Variants in CILK1 observed in about 807,000 individuals in gnomAD.
CILK1 encodes the protein ciliogenesis associated kinase 1.
A neutral mutation model predicts 79.2 loss-of-function variants in CILK1; 47 were observed. That is an observed-to-expected ratio of 0.59 (90% CI 0.47 to 0.76). The LOEUF is 0.76. Among genes scored for constraint, CILK1 ranks in the 30% least tolerant of loss-of-function variants. The probability of loss-of-function intolerance (pLI) is 0.00; values close to 1 mark genes in which losing one functional copy is unlikely to be tolerated. For missense variants in CILK1, 660 were observed against 769.5 expected (o/e 0.86, Z 1.68); for synonymous variants, 266 against 275.9 (o/e 0.96, Z 0.36).
At chr6:53,058,321 C>A (rs1036159278) in intron 1 of CILK1, among the ~76,000 whole-genome samples, 1 of 152,178 alleles carries the variant, frequency 6.6e-6, no homozygotes, top group Non-Finnish European at 1.5e-5. Context: ...TCTTTGGCTG[C>A]AATCAAAGGC....
At position 53,013,902 on chromosome 6, in the gene CILK1, C is replaced by T; in HGVS notation, c.912G>A (p.Gln304=). 3.7e-6 allele frequency: 6 copies of T among 1,614,062 alleles called. No individual in the cohort carries two copies. Among genetic ancestry groups the T allele is most frequent in the Non-Finnish European group, 5.1e-6 (6 of 1,179,998 alleles). The change falls in exon 9 of 14, where the codon CAG becomes CAA. Residue 304 remains glutamine, a synonymous_variant. Coordinates refer to ENST00000676107, the MANE Select transcript of CILK1 (RefSeq NM_014920.5). Reference sequence around the variant, plus strand: ...GGCCTGCCTTTTCCAGGATGCCTTTCTGTGGTTTTTCTGAATCCTGAAGGT... The same window carrying T: ...GGCCTGCCTTTTCCAGGATGCCTTTTTGTGGTTTTTCTGAATCCTGAAGGT... ...TQNLQDSEKP[Q]KGILEKAGPP...
At chr6:53,023,909 T>G (rs541164286) in intron 5 of CILK1, among the ~76,000 whole-genome samples, 1 of 152,124 alleles carries the variant, frequency 6.6e-6, no homozygotes, top group South Asian at 2.1e-4. Flanking sequence ...TAGAACCCAG[T>G]AAATACAGAA....
intron 1 of CILK1, among the ~76,000 whole-genome samples, chr6:53,046,729 G>T (rs1418169432): frequency 6.6e-6 from 1 of 152,158 alleles, no homozygotes; most frequent in Non-Finnish European, 1.5e-5. Context: ...TAAGCATTAT[G>T]CAAGGCTCTT....
intron 8 of CILK1, among the ~76,000 whole-genome samples, chr6:53,015,718 G>T (rs1218382262): frequency 6.6e-6 from 1 of 152,142 alleles, no homozygotes; most frequent in Admixed American, 6.6e-5. Flanking sequence ...ATATGAAGTT[G>T]CCTTTCAACA....
intron 3 of CILK1, among the ~76,000 whole-genome samples, 190 bp from the exon 4 acceptor site, chr6:53,032,844 A>G (rs1766060066): frequency 6.6e-6 from 1 of 152,184 alleles, no homozygotes; most frequent in African/African-American, 2.4e-5. Flanking sequence ...ACATAGAAAA[A>G]CTACTTCAAT....
chr6:53,057,170 T>C (rs1241932762), intron 1 of CILK1, among the ~76,000 whole-genome samples: 1 of 152,234 alleles, frequency 6.6e-6, no homozygotes, highest in East Asian at 1.9e-4. Context: ...TTGGGCATTA[T>C]ACAATAGTAC....
chr6:53,047,901 G>A (rs928779664), intron 1 of CILK1, among the ~76,000 whole-genome samples: 6 of 151,858 alleles, frequency 4.0e-5, no homozygotes, highest in East Asian at 1.9e-4. Flanking sequence ...CTGTTTTCTC[G>A]GGGGCTGAAT....
intron 1 of CILK1, among the ~76,000 whole-genome samples, chr6:53,042,276 T>A (rs1480985749): frequency 6.6e-6 from 1 of 152,212 alleles, no homozygotes; most frequent in African/African-American, 2.4e-5. Context: ...CAGAAATGAA[T>A]CAGCTCCAAT....
At position 53,010,871 on chromosome 6, in the gene CILK1, G is replaced by A. The variant is rs187376943; in HGVS notation, c.1492+898C>T. On this transcript the variant is annotated intron_variant, in intron 11 of 13. Transcript: ENST00000676107. The stretch of plus-strand genomic sequence containing the variant: ...TGAGGATGTTGTTTGCAAAGCTGCT[G>A]TATAAAGCTGCTGTATAAAGCCACT... Among the ~76,000 whole-genome samples the A allele has an allele frequency of 2.0e-5, 3 of 152,340 alleles. No homozygotes were observed. In the East Asian group the frequency reaches 5.8e-4, roughly 29 times the overall value.
In CILK1 at chr6:53,041,166, A is replaced by G. The variant is rs1766681929; in HGVS notation, c.71T>C (p.Ile24Thr). The G allele has an allele frequency of 6.2e-6, 10 of 1,613,496 alleles. No homozygotes were observed. Among genetic ancestry groups the G allele is most frequent in the Middle Eastern group, 1.6e-4 (1 of 6,084 alleles). Residue 24 changes from isoleucine to threonine, a missense_variant, in exon 2 of 14, where the codon ATT becomes ACT. By Grantham distance (89) the Ile-to-Thr change is moderately conservative. Coordinates refer to ENST00000676107, the MANE Select transcript of CILK1 (RefSeq NM_014920.5). ...TYGSVLLGRSIESGELIAIKK... is the reference protein window; with the variant it reads ...TYGSVLLGRSTESGELIAIKK... ...AATAGCGATCAGCTCCCCAGACTCA[A>G]TGCTTCTTCCCAGCAGGACGGAACC...
At chr6:53,037,671 G>A (rs1393969539) in intron 3 of CILK1, among the ~76,000 whole-genome samples, 1 of 152,094 alleles carries the variant, frequency 6.6e-6, no homozygotes, top group African/African-American at 2.4e-5. Context: ...TAAGAAAATA[G>A]GCAATAATAA....
In CILK1 at chr6:53,006,173, C is replaced by T. The variant is rs548673992; in HGVS notation, c.1744+142G>A. ...ATCTGACTTACTATATGTTATATAG[C>T]ACTTATTTAGCTTACTTATTGTCTG... On this transcript the variant is annotated intron_variant, in intron 13 of 13. Transcript: ENST00000676107. The T allele has an allele frequency of 3.2e-5, 23 of 709,762 alleles. No individual in the cohort carries two copies. The South Asian group carries it at 3.5e-4, about 11-fold the overall frequency. The allele number at this position is 709,762 out of a possible 1,614,324, so 44.0% of individuals were successfully genotyped here.
At chr6:53,010,635 G>A (rs1377616330) in intron 11 of CILK1, among the ~76,000 whole-genome samples, 1 of 152,150 alleles carries the variant, frequency 6.6e-6, no homozygotes, top group Non-Finnish European at 1.5e-5. Context: ...GCCCTCTCCT[G>A]CCTCTAGACC....
At chr6:53,037,065 T>G (rs975874827) in intron 3 of CILK1, among the ~76,000 whole-genome samples, 2 of 152,178 alleles carry the variant, frequency 1.3e-5, no homozygotes, top group Non-Finnish European at 2.9e-5. Context: ...CTCACTTCCA[T>G]GTACAGGACC....
intron 1 of CILK1, among the ~76,000 whole-genome samples, chr6:53,056,788 A>G (rs1365951578): frequency 6.6e-6 from 1 of 152,212 alleles, no homozygotes; most frequent in East Asian, 1.9e-4. Context: ...CAACTTATGG[A>G]GCTTTAAAAG....
intron 1 of CILK1, among the ~76,000 whole-genome samples, chr6:53,045,820 C>T (rs1767039373): frequency 1.5e-5 from 2 of 133,686 alleles, no homozygotes; most frequent in African/African-American, 2.7e-5. Flanking sequence ...TTCCTGGAAG[C>T]TTGATTTGTC....
intron 1 of CILK1, among the ~76,000 whole-genome samples, chr6:53,046,300 T>G (rs959321906): frequency 2.0e-5 from 3 of 152,354 alleles, no homozygotes; most frequent in African/African-American, 7.2e-5. Context: ...CTCATGCTTT[T>G]TGCAATGGCA....
intron 1 of CILK1, among the ~76,000 whole-genome samples, chr6:53,054,283 C>T (rs1199099318): frequency 6.6e-6 from 1 of 152,182 alleles, no homozygotes; most frequent in Non-Finnish European, 1.5e-5. Flanking sequence ...ACTGCCAGCC[C>T]CTTCCCCGTG....
chr6:53,036,586 T>C (rs969267005), intron 3 of CILK1, among the ~76,000 whole-genome samples: 8 of 152,096 alleles, frequency 5.3e-5, no homozygotes, highest in Non-Finnish European at 7.4e-5. Flanking sequence ...TGGCTAATTT[T>C]TGTATTTTTA....
Sources: gnomAD v4.1 joint callset for allele counts (sites outside exome capture counted in the v4.1 genomes callset) on GRCh38, gnomAD v4.1.1 for gene constraint, MANE v1.5 for transcripts, NCBI Gene and HGNC (gene_info 2026-07-23, HGNC 2026-07-21) for gene names.